The following SACM1L variants were observed in gnomAD, a reference collection of about 807,000 sequenced individuals.
SACM1L encodes phosphatidylinositol-3-phosphatase SAC1.
A neutral mutation model predicts 89.5 loss-of-function variants in SACM1L; 32 were observed. That is an observed-to-expected ratio of 0.36 (90% CI 0.27 to 0.48). The LOEUF (loss-of-function observed/expected upper bound fraction) is 0.48. Ranked by LOEUF, SACM1L falls within the 20% of genes least tolerant of loss-of-function variation. The probability of loss-of-function intolerance (pLI) is 0.99; values close to 1 mark genes in which losing one functional copy is unlikely to be tolerated. For synonymous variants in SACM1L, 213 were observed against 232.8 expected, an observed-to-expected ratio of 0.92 and a Z score of 0.77; for missense variants, 543 against 708.5, an observed-to-expected ratio of 0.77 and a Z score of 2.65.
chr3:45,689,703 C>T (rs1374017564), intron 1 of SACM1L: 1 of 640,316 alleles, frequency 1.6e-6, no homozygotes, highest in African/African-American at 1.8e-5. Flanking sequence ...CGGCCTTTCT[C>T]CACCGTGCTC....
intron 5 of SACM1L, among the ~76,000 whole-genome samples, chr3:45,710,778 C>A (rs1698508302): frequency 2.0e-5 from 3 of 152,130 alleles, no homozygotes; most frequent in Non-Finnish European, 2.9e-5. Flanking sequence ...TTTTAGTTGA[C>A]TGGCTTTTTT....
chr3:45,697,787 A>G (rs1262748066), intron 1 of SACM1L, among the ~76,000 whole-genome samples: 1 of 152,180 alleles, frequency 6.6e-6, no homozygotes, highest in African/African-American at 2.4e-5. Flanking sequence ...ATTCTTGTTC[A>G]GTTAGAGTTA....
At chr3:45,719,678 TTTTA>T in intron 8 of SACM1L, 77 bp downstream of exon 8, 1 of 780,084 alleles carries the variant, frequency 1.3e-6, no homozygotes, top group Middle Eastern at 2.4e-4. Context: ...ACCTTTTGTA[TTTTA>T]TTTGTTTTCA....
At chr3:45,694,332 CAG>C (rs1698071857) in intron 1 of SACM1L, among the ~76,000 whole-genome samples, 1 of 152,134 alleles carries the variant, frequency 6.6e-6, no homozygotes, top group Non-Finnish European at 1.5e-5. Context: ...GGTCATCAGT[CAG>C]GGCAGATATG....
Position 45,735,314 on chromosome 3 carries a change from G to T in SACM1L, c.1180G>T (p.Asp394Tyr). 6.2e-7 allele frequency: 1 copy of T among 1,610,924 alleles called. No homozygotes were observed. The highest frequency in any genetic ancestry group is 8.5e-7 in the Non-Finnish European group (1 of 1,179,150). Residue 394 changes from aspartate to tyrosine, a missense_variant, in exon 14 of 20, where the codon GAT becomes TAT. Asp to Tyr is a radical substitution (Grantham distance 160). This residue lies in a region of SACM1L where 370 missense variants were observed against 527.6 expected (regional missense o/e 0.70). Coordinates refer to ENST00000389061, the MANE Select transcript of SACM1L (RefSeq NM_014016.5). ...VFRSNCMDCLDRTNVIQSLLA... is the reference protein window; with the variant it reads ...VFRSNCMDCLYRTNVIQSLLA... ...CCGAAGCAATTGCATGGATTGTCTA[G>T]ATAGAACCAATGTGATCCAGAGTTT...
At chr3:45,733,008 AC>A (rs1178880632) in intron 13 of SACM1L, among the ~76,000 whole-genome samples, 1 of 152,164 alleles carries the variant, frequency 6.6e-6, no homozygotes, top group Non-Finnish European at 1.5e-5. Flanking sequence ...TTTTTCTGTG[AC>A]GTTTTGCCAT....
At chr3:45,739,072 C>T (rs1699262974) in intron 18 of SACM1L, among the ~76,000 whole-genome samples, 199 bp downstream of exon 18, 1 of 152,170 alleles carries the variant, frequency 6.6e-6, no homozygotes, top group Non-Finnish European at 1.5e-5. Context: ...CAGACTCTCA[C>T]ACATCCTTTT....
Position 45,745,399 on chromosome 3 carries a change from A to AT in SACM1L, c.*1732dup, listed in dbSNP as rs768537232. On this transcript the variant is annotated 3_prime_UTR_variant, in exon 20 of 20. Transcript: ENST00000389061. ...TCCATAAGTGAAAATAAAATGTCAT[A>AT]TTCTTTTCTATTATTGGTATCATTC... 1.3e-5 allele frequency: 2 copies of AT among 152,682 alleles called. No homozygotes were observed. Among genetic ancestry groups the AT allele is most frequent in the Non-Finnish European group, 2.9e-5 (2 of 68,046 alleles). 9.5% of individuals were successfully genotyped at this position (152,682 alleles called of 1,614,324 possible).
chr3:45,721,086 T>G (rs576402696), intron 8 of SACM1L, among the ~76,000 whole-genome samples: 41 of 152,356 alleles, frequency 2.7e-4, no homozygotes, highest in African/African-American at 9.4e-4. Flanking sequence ...CCAAACACTT[T>G]GCTTTTCAAA....
intron 4 of SACM1L, 124 bp downstream of exon 4, chr3:45,707,031 G>T: frequency 1.3e-6 from 1 of 797,224 alleles, no homozygotes; most frequent in Non-Finnish European, 1.9e-6. Context: ...TATAGAGTAA[G>T]ATCACTCTAC....
Position 45,711,004 on chromosome 3 carries a change from T to G in SACM1L, c.483+1357T>G, listed in dbSNP as rs1276263766. 4.6e-5 allele frequency among the ~76,000 whole-genome samples: 7 copies of G among 152,178 alleles called. No homozygotes were observed. In the South Asian group the frequency reaches 8.3e-4, roughly 18 times the overall value. On this transcript the variant is annotated intron_variant, in intron 5 of 19. Coordinates refer to ENST00000389061, the MANE Select transcript of SACM1L (RefSeq NM_014016.5). ...CCCCTGGGGACCCAGAATGAAGCTGTGGACCCTGTCTTGTGGGAGCCTACA... is the reference window on the plus strand; with the variant it reads ...CCCCTGGGGACCCAGAATGAAGCTGGGGACCCTGTCTTGTGGGAGCCTACA...
Position 45,738,842 on chromosome 3 carries a change from T to A in SACM1L, c.1538T>A (p.Leu513Ter). 1 of 1,610,858 alleles carries A rather than the reference T, an allele frequency of 6.2e-7. No homozygotes were observed. Among genetic ancestry groups the A allele is most frequent in the South Asian group, 1.1e-5 (1 of 90,942 alleles). Reference sequence around the variant, plus strand: ...GATGAATTAGAATCTCATAGTCCTTTAAGTGTTCCAAGGGACTGGAAATTC... The same window carrying A: ...GATGAATTAGAATCTCATAGTCCTTAAAGTGTTCCAAGGGACTGGAAATTC... Reference protein sequence around the residue: ...SVDELESHSPLSVPRDWKFLA... With the variant: ...SVDELESHSP Residue 513 changes from leucine to a stop codon, truncating the protein, a stop_gained, in exon 18 of 20, where the codon TTA becomes TAA. Coordinates refer to ENST00000389061, the MANE Select transcript of SACM1L (RefSeq NM_014016.5). LOFTEE classifies it high-confidence loss of function.
At position 45,731,395 on chromosome 3, in the gene SACM1L, A is replaced by G. The variant is rs1487293805; in HGVS notation, c.1001+15A>G. 1 of 1,579,730 alleles carries G rather than the reference A, an allele frequency of 6.3e-7. No individual in the cohort carries two copies. The highest frequency in any genetic ancestry group is 1.3e-5 in the African/African-American group (1 of 74,230). On this transcript the variant is annotated intron_variant, in intron 12 of 19. Coordinates refer to ENST00000389061, the MANE Select transcript of SACM1L (RefSeq NM_014016.5). The stretch of plus-strand genomic sequence containing the variant: ...GGAATGATGAGGTACCTCACTAGAA[A>G]TCTGTTGCAGGTCTTTTCAGATCAG...
intron 1 of SACM1L, among the ~76,000 whole-genome samples, chr3:45,703,125 C>T (rs1334199703): frequency 6.6e-6 from 1 of 152,182 alleles, no homozygotes; most frequent in Non-Finnish European, 1.5e-5. Flanking sequence ...TAGTCTGGTT[C>T]TGTAGGCTCT....
At chr3:45,734,857 A>G (rs1699163286) in intron 13 of SACM1L, 1 of 162,608 alleles carries the variant, frequency 6.1e-6, no homozygotes, top group South Asian at 1.9e-4. Context: ...TAAAGATAGT[A>G]TATGAATCAT....
At chr3:45,720,479 C>T (rs548924166) in intron 8 of SACM1L, among the ~76,000 whole-genome samples, 2 of 152,208 alleles carry the variant, frequency 1.3e-5, no homozygotes, top group South Asian at 2.1e-4. Flanking sequence ...TCTTGTTTAT[C>T]CTTCCAGATA....
intron 11 of SACM1L, among the ~76,000 whole-genome samples, chr3:45,725,974 T>C (rs1369764140): frequency 6.6e-6 from 1 of 152,124 alleles, no homozygotes; most frequent in Non-Finnish European, 1.5e-5. Context: ...TTTTTTTCCC[T>C]TCATTCTACT....
rs143488904 is a variant in SACM1L, at chr3:45,712,964, G to A, written c.484-173G>A. ...GTTTCTGTCTGGCCTGAGACAATGA[G>A]ACAGAAATGCCCACAGGAGGTACAG... is the stretch of plus-strand genomic sequence containing the variant. On this transcript the variant is annotated intron_variant, in intron 5 of 19. Transcript: ENST00000389061. 1.4e-3 allele frequency among the ~76,000 whole-genome samples: 207 copies of A among 152,340 alleles called. 1 individual carries two copies. Among genetic ancestry groups the A allele is most frequent in the South Asian group, 7.5e-3 (36 of 4,826 alleles).
At chr3:45,691,425 G>A (rs1697984764) in intron 1 of SACM1L, among the ~76,000 whole-genome samples, 1 of 152,030 alleles carries the variant, frequency 6.6e-6, no homozygotes, top group Non-Finnish European at 1.5e-5. Context: ...ATTCTTTTTT[G>A]GATGCATTTA....
Sources: gnomAD v4.1 joint callset for allele counts (sites outside exome capture counted in the v4.1 genomes callset) on GRCh38, gnomAD v4.1.1 for gene constraint, gnomAD v4.1.1 regional missense constraint, MANE v1.5 for transcripts, NCBI Gene and HGNC (gene_info 2026-07-23, HGNC 2026-07-21) for gene names.